Variants in SLC8A3 observed in about 807,000 individuals in gnomAD.
The protein encoded by SLC8A3 is sodium/calcium exchanger 3.
A neutral mutation model predicts 65.4 loss-of-function variants in SLC8A3; 37 were observed. That is an observed-to-expected ratio of 0.57 (90% CI 0.44 to 0.74). The LOEUF is 0.74. Ranked by LOEUF, SLC8A3 falls within the 30% of genes least tolerant of loss-of-function variation. SLC8A3 has a pLI of 0.00. For missense variants in SLC8A3, 1,112 were observed against 1,172.1 expected (o/e 0.95, Z 0.75); for synonymous variants, 461 against 444.5 (o/e 1.04, Z -0.47).
intron 2 of SLC8A3, among the ~76,000 whole-genome samples, chr14:70,084,694 T>C (rs903403689): frequency 2.6e-5 from 4 of 152,196 alleles, no homozygotes; most frequent in African/African-American, 9.7e-5. Flanking sequence ...AATTGCTATA[T>C]GCCTAATGGA....
At chr14:70,186,984 C>A (rs1883286225) in intron 1 of SLC8A3, 1 of 152,260 alleles carries the variant, frequency 6.6e-6, no homozygotes, top group African/African-American at 2.4e-5. Flanking sequence ...AATCACACGC[C>A]GCTGCAAGTC....
chr14:70,091,301 C>T (rs6573925), intron 2 of SLC8A3, among the ~76,000 whole-genome samples: 138,699 of 152,246 alleles, frequency 0.91, 63,268 homozygotes, highest in East Asian at 1. Flanking sequence ...TTTTTAATAA[C>T]AAAAATTTGT....
chr14:70,120,694 C>T (rs1162671028), intron 2 of SLC8A3, among the ~76,000 whole-genome samples: 1 of 152,190 alleles, frequency 6.6e-6, no homozygotes, highest in Non-Finnish European at 1.5e-5. Context: ...GGCCAAGCCA[C>T]ACAATGTCTT....
chr14:70,185,289 C>G (rs1404944649), intron 1 of SLC8A3, among the ~76,000 whole-genome samples: 2 of 152,198 alleles, frequency 1.3e-5, no homozygotes, highest in Non-Finnish European at 2.9e-5. Flanking sequence ...TTTATCTAAT[C>G]TCAATAGTTT....
In SLC8A3 at chr14:70,178,251, A is replaced by G. The variant is rs146346232; in HGVS notation, c.-62-9767T>C. Reference sequence around the variant, plus strand: ...GTAACTGTGGGACAAATGGAACCCAATCAAGGCCTTAGAGTGTTCCTCAGT... The same window carrying G: ...GTAACTGTGGGACAAATGGAACCCAGTCAAGGCCTTAGAGTGTTCCTCAGT... On this transcript the variant is annotated intron_variant, in intron 1 of 6. Coordinates refer to ENST00000356921, the MANE Select transcript of SLC8A3 (RefSeq NM_182932.3). Among the ~76,000 whole-genome samples, 258 of 152,350 alleles carry G rather than the reference A, an allele frequency of 1.7e-3. 1 individual carries two copies. The East Asian group carries it at 0.017, about 10-fold the overall frequency.
chr14:70,065,200 A>C (rs1193142382), intron 2 of SLC8A3, among the ~76,000 whole-genome samples: 1 of 152,108 alleles, frequency 6.6e-6, no homozygotes, highest in East Asian at 1.9e-4. Context: ...AAATGGGTAC[A>C]ACCTCCCTGC....
At chr14:70,186,368 G>A (rs1883218621) in intron 1 of SLC8A3, among the ~76,000 whole-genome samples, 1 of 152,132 alleles carries the variant, frequency 6.6e-6, no homozygotes, top group Non-Finnish European at 1.5e-5. Flanking sequence ...GACTAATACA[G>A]GTGTATAATA....
chr14:70,143,573 CAATGA>C (rs1396149640), intron 2 of SLC8A3, among the ~76,000 whole-genome samples: 1 of 152,132 alleles, frequency 6.6e-6, no homozygotes, highest in Admixed American at 6.5e-5. Flanking sequence ...CACGTCAACA[CAATGA>C]AATCCAACTC....
intron 2 of SLC8A3, among the ~76,000 whole-genome samples, chr14:70,125,040 T>C (rs901252575): frequency 6.6e-6 from 1 of 152,222 alleles, no homozygotes; most frequent in Non-Finnish European, 1.5e-5. Flanking sequence ...CACAGTGCCT[T>C]GCACACAGGA....
chr14:70,181,661 A>C (rs150342860), intron 1 of SLC8A3, among the ~76,000 whole-genome samples: 235 of 152,354 alleles, frequency 1.5e-3, no homozygotes, highest in African/African-American at 5.5e-3. Context: ...GCACAAAAGC[A>C]GAAAGGGCAA....
chr14:70,108,626 C>T (rs1450205803), intron 2 of SLC8A3, among the ~76,000 whole-genome samples: 2 of 152,290 alleles, frequency 1.3e-5, no homozygotes, highest in Admixed American at 6.5e-5. Flanking sequence ...GGCAGGAGGA[C>T]TGCTCTGAAT....
intron 2 of SLC8A3, among the ~76,000 whole-genome samples, chr14:70,071,894 T>C (rs374910749): frequency 3.3e-5 from 5 of 152,188 alleles, no homozygotes; most frequent in African/African-American, 1.2e-4. Flanking sequence ...AAAAAGAGTG[T>C]TTCGGGGTGC....
Position 70,049,782 on chromosome 14 carries a change from G to C in SLC8A3, c.2114-740C>G, listed in dbSNP as rs983132926. Among the ~76,000 whole-genome samples, 3 of 152,302 alleles carry C rather than the reference G, an allele frequency of 2.0e-5. No individual in the cohort carries two copies. The East Asian group carries it at 5.8e-4, about 29-fold the overall frequency. ...CTGCTGCAATAACCATTGTGGTTCT[G>C]GTCATTATCTGTCCCCTGAGGGATG... is the stretch of plus-strand genomic sequence containing the variant. On this transcript the variant is annotated intron_variant, in intron 5 of 6. Transcript: ENST00000356921.
chr14:70,079,647 C>T (rs1890865078), intron 2 of SLC8A3, among the ~76,000 whole-genome samples: 1 of 152,136 alleles, frequency 6.6e-6, no homozygotes, highest in Non-Finnish European at 1.5e-5. Flanking sequence ...CACCCCCATG[C>T]CATATAATCA....
chr14:70,137,583 T>C (rs1895289489), intron 2 of SLC8A3, among the ~76,000 whole-genome samples: 1 of 152,212 alleles, frequency 6.6e-6, no homozygotes, highest in South Asian at 2.1e-4. Flanking sequence ...ACTGTGGTTA[T>C]TGAGGTAGTT....
At chr14:70,126,568 T>TCACACACACACA (rs762556721) in intron 2 of SLC8A3, among the ~76,000 whole-genome samples, 2 of 122,318 alleles carry the variant, frequency 1.6e-5, no homozygotes, top group African/African-American at 6.4e-5. Flanking sequence ...TCTCTCTCTC[T>TCACACACACACA]CTCACACACA....
intron 2 of SLC8A3, among the ~76,000 whole-genome samples, chr14:70,126,902 C>A (rs1401388986): frequency 4.0e-5 from 6 of 149,300 alleles, no homozygotes; most frequent in Admixed American, 1.3e-4. Context: ...TGCAAATATT[C>A]AAAAAAAAAA....
intron 2 of SLC8A3, among the ~76,000 whole-genome samples, chr14:70,136,996 C>G (rs1159233754): frequency 6.6e-6 from 1 of 152,166 alleles, no homozygotes; most frequent in African/African-American, 2.4e-5. Context: ...TGGAGCATCT[C>G]CTATGAAGTA....
intron 1 of SLC8A3, among the ~76,000 whole-genome samples, chr14:70,179,566 A>G (rs547446090): frequency 3.3e-5 from 5 of 152,292 alleles, no homozygotes; most frequent in African/African-American, 9.6e-5. Context: ...GTTAAAGCCA[A>G]TGACCTCAGA....
Sources: gnomAD v4.1 joint callset for allele counts (sites outside exome capture counted in the v4.1 genomes callset) on GRCh38, gnomAD v4.1.1 for gene constraint, MANE v1.5 for transcripts, NCBI Gene and HGNC (gene_info 2026-07-23, HGNC 2026-07-21) for gene names.